Variants in SPEF2 observed in about 807,000 individuals in gnomAD.
SPEF2 encodes the protein sperm flagellar and cilia associated 2.
In SPEF2, 187 loss-of-function variants were observed where a neutral mutation model predicts 224.6. The ratio of observed to expected loss-of-function variants is 0.83; its 90% CI spans 0.74 to 0.94. SPEF2 has a LOEUF of 0.94. Among genes scored for constraint, SPEF2 ranks in the 40% least tolerant of loss-of-function variants. SPEF2 has a pLI of 0.00. For missense variants in SPEF2, 2,170 were observed against 2,135.6 expected (o/e 1.02, Z -0.32); for synonymous variants, 715 against 707.3 (o/e 1.01, Z -0.17).
intron 1 of SPEF2, among the ~76,000 whole-genome samples, chr5:35,619,699 C>G (rs1415722129): frequency 8.3e-6 from 1 of 120,884 alleles, no homozygotes; most frequent in Non-Finnish European, 1.6e-5. Context: ...AAAAACAAAA[C>G]AAACAAACAA....
At chr5:35,756,606 C>T (rs747381110) in intron 24 of SPEF2, among the ~76,000 whole-genome samples, 5 of 152,236 alleles carry the variant, frequency 3.3e-5, no homozygotes, top group Non-Finnish European at 7.4e-5. Flanking sequence ...TTTGGAGGAC[C>T]GGTGGAAAGC....
chr5:35,640,531 G>A (rs1192528770), intron 2 of SPEF2, among the ~76,000 whole-genome samples: 2 of 152,110 alleles, frequency 1.3e-5, no homozygotes, highest in African/African-American at 2.4e-5. Flanking sequence ...CCAACTGTAC[G>A]ATGATTTGTG....
Position 35,702,794 on chromosome 5 carries a change from C to G in SPEF2, c.2399-1760C>G, listed in dbSNP as rs529538405. ...GGAGCCAATTATAGAATCTCAATCC[C>G]AATTACAAGTTTTTGTTGAGTATAA... On this transcript the variant is annotated intron_variant, in intron 16 of 36. Coordinates refer to ENST00000356031, the MANE Select transcript of SPEF2 (RefSeq NM_024867.4). Among the ~76,000 whole-genome samples, 3 of 152,262 alleles carry G rather than the reference C, an allele frequency of 2.0e-5. No homozygotes were observed. In the South Asian group the frequency reaches 6.2e-4, roughly 32 times the overall value.
intron 36 of SPEF2, among the ~76,000 whole-genome samples, chr5:35,810,825 T>C (rs1758488615): frequency 6.6e-6 from 1 of 152,156 alleles, no homozygotes; most frequent in South Asian, 2.1e-4. Context: ...AGAGAGTTAG[T>C]TAGTGAGTTA....
intron 16 of SPEF2, among the ~76,000 whole-genome samples, chr5:35,702,858 G>C (rs925066723): frequency 6.6e-6 from 1 of 151,974 alleles, no homozygotes; most frequent in Admixed American, 6.6e-5. Context: ...AGAATTGTAC[G>C]CTAAATTTTA....
chr5:35,787,181 T>C (rs73747980), intron 30 of SPEF2, among the ~76,000 whole-genome samples: 7,122 of 151,944 alleles, frequency 0.047, 472 homozygotes, highest in African/African-American at 0.14. Flanking sequence ...AATTAGACGT[T>C]TGGGGGAAAG....
chr5:35,755,550 C>G (rs909809100), intron 24 of SPEF2, among the ~76,000 whole-genome samples: 3 of 152,120 alleles, frequency 2.0e-5, no homozygotes, highest in Non-Finnish European at 4.4e-5. Flanking sequence ...TAAATAAAAT[C>G]TAACATTTAC....
chr5:35,696,375 A>G (rs1441518691), intron 14 of SPEF2, among the ~76,000 whole-genome samples: 1 of 152,242 alleles, frequency 6.6e-6, no homozygotes, highest in African/African-American at 2.4e-5. Flanking sequence ...TTAAAGATAG[A>G]AAAAGTTTTG....
chr5:35,728,302 T>C (rs1561270743), intron 21 of SPEF2, among the ~76,000 whole-genome samples: 2 of 152,194 alleles, frequency 1.3e-5, no homozygotes, highest in African/African-American at 2.4e-5. Context: ...ATGGGTATGC[T>C]GGTGTAAGGC....
intron 10 of SPEF2, among the ~76,000 whole-genome samples, chr5:35,683,096 A>G (rs1753064086): frequency 6.6e-6 from 1 of 152,180 alleles, no homozygotes; most frequent in Non-Finnish European, 1.5e-5. Flanking sequence ...TTAGGCCACA[A>G]AAAACTAAAA....
At chr5:35,670,422 C>T (rs970081488) in intron 10 of SPEF2, 195 bp downstream of exon 10, 2 of 1,243,572 alleles carry the variant, frequency 1.6e-6, no homozygotes, top group Non-Finnish European at 1.0e-6. Context: ...ATCTATTGTT[C>T]CTAGTAATCT....
At position 35,702,153 on chromosome 5, in the gene SPEF2, A is replaced by T. The variant is rs556168496; in HGVS notation, c.2398+1401A>T. 7 of 456,024 alleles carry T rather than the reference A, an allele frequency of 1.5e-5. No homozygotes were observed. In the East Asian group the frequency reaches 4.9e-4, roughly 32 times the overall value. The allele number at this position is 456,024 out of a possible 1,614,324, so 28.2% of individuals were successfully genotyped here. On this transcript the variant is annotated intron_variant, in intron 16 of 36. Transcript: ENST00000356031. ...ATGTGTCATCCAATCCCCCTTCCAG[A>T]CCAGCAGGATCCTGGGCTGAGTGGG...
Position 35,793,305 on chromosome 5 carries a change from G to GA in SPEF2, c.4701_4702insA (p.Gln1568ThrfsTer8). The GA allele has an allele frequency of 6.2e-7, 1 of 1,614,070 alleles. No individual in the cohort carries two copies. The highest frequency in any genetic ancestry group is 1.1e-5 in the South Asian group (1 of 91,062). Reference sequence around the variant, plus strand: ...AGAAGTTCAAGGCTGTGGATAAGGAGCAGTTGGGCACCATCACTTTTGAGC... The same window carrying GA: ...AGAAGTTCAAGGCTGTGGATAAGGAGACAGTTGGGCACCATCACTTTTGAGC... On this transcript the variant is annotated frameshift_variant, in exon 32 of 37. Coordinates refer to ENST00000356031, the MANE Select transcript of SPEF2 (RefSeq NM_024867.4). LOFTEE classifies it high-confidence loss of function.
intron 9 of SPEF2, 105 bp from the exon 10 acceptor site, chr5:35,669,954 T>C (rs757309206): frequency 1.3e-5 from 11 of 860,834 alleles, no homozygotes; most frequent in Non-Finnish European, 2.0e-5. Flanking sequence ...ATTATTTCTG[T>C]CTGATGAAAG....
intron 28 of SPEF2, among the ~76,000 whole-genome samples, chr5:35,774,745 A>G (rs1258087577): frequency 1.3e-5 from 2 of 152,204 alleles, no homozygotes; most frequent in Non-Finnish European, 2.9e-5. Flanking sequence ...TTAACTACTC[A>G]GTGACTATTA....
intron 18 of SPEF2, among the ~76,000 whole-genome samples, chr5:35,706,136 G>C (rs368418252): frequency 1.3e-5 from 2 of 151,478 alleles, no homozygotes; most frequent in South Asian, 2.1e-4. Flanking sequence ...ATCTTTATTT[G>C]TTAATTAGAT....
rs528257212 is a variant in SPEF2 at position 35,705,186 on chromosome 5, A to G, written c.2508-465A>G. On this transcript the variant is annotated intron_variant, in intron 17 of 36. Coordinates refer to ENST00000356031, the MANE Select transcript of SPEF2 (RefSeq NM_024867.4). ...TTAAGGCTGTCTACTCTCCAGGAAG[A>G]AAAAAACAGTTTCAAGAGTTATTCC... 5.3e-5 allele frequency among the ~76,000 whole-genome samples: 8 copies of G among 152,118 alleles called. No individual in the cohort carries two copies. In the East Asian group the frequency reaches 1.5e-3, roughly 29 times the overall value.
At position 35,806,665 on chromosome 5, in the gene SPEF2, A is replaced by G. The variant is rs751188870; in HGVS notation, c.5011-42A>G. ...TCTAAAAGTCTCCATTGGTGGAAAAAACTTCAGTTTAACTTCATGTTCTCT... is the reference window on the plus strand; with the variant it reads ...TCTAAAAGTCTCCATTGGTGGAAAAGACTTCAGTTTAACTTCATGTTCTCT... On this transcript the variant is annotated intron_variant, in intron 34 of 36. Transcript: ENST00000356031. The G allele has an allele frequency of 5.1e-6, 8 of 1,576,150 alleles. No individual in the cohort carries two copies. In the Admixed American group the frequency reaches 1.4e-4, roughly 27 times the overall value.
intron 11 of SPEF2, among the ~76,000 whole-genome samples, chr5:35,691,726 T>G (rs1490482756): frequency 6.6e-6 from 1 of 152,216 alleles, no homozygotes; most frequent in African/African-American, 2.4e-5. Context: ...AAATGTATCC[T>G]TTAAATGGTG....
Sources: gnomAD v4.1 joint callset for allele counts (sites outside exome capture counted in the v4.1 genomes callset) on GRCh38, gnomAD v4.1.1 for gene constraint, MANE v1.5 for transcripts, NCBI Gene and HGNC (gene_info 2026-07-23, HGNC 2026-07-21) for gene names.